The following HNF1B variants were observed in gnomAD, a reference collection of about 807,000 sequenced individuals.
The protein encoded by HNF1B is HNF1 homeobox B, also known as hepatocyte nuclear factor 1-beta.
A neutral mutation model predicts 61.7 loss-of-function variants in HNF1B; 8 were observed. That is an observed-to-expected ratio of 0.13 (90% CI 0.08 to 0.23). The LOEUF (loss-of-function observed/expected upper bound fraction) is 0.23. Ranked by LOEUF, HNF1B falls within the 10% of genes least tolerant of loss-of-function variation. The pLI, the probability that HNF1B is intolerant of heterozygous loss-of-function variation, is 1.00. For missense variants in HNF1B, 562 were observed against 714.5 expected, an observed-to-expected ratio of 0.79 and a Z score of 2.43; for synonymous variants, 314 against 287.7, an observed-to-expected ratio of 1.09 and a Z score of -0.93.
chr17:37,695,327 G>A (rs1568634344), intron 8 of HNF1B, among the ~76,000 whole-genome samples: 1 of 152,258 alleles, frequency 6.6e-6, no homozygotes, highest in Non-Finnish European at 1.5e-5. Context: ...ATGCAAGAGT[G>A]AAGGAGGTTT....
At chr17:37,731,229 C>T in intron 4 of HNF1B, 1 of 400,480 alleles carries the variant, frequency 2.5e-6, no homozygotes, top group Non-Finnish European at 4.7e-6. Context: ...GTGAGGGTTG[C>T]CACGCCATCA....
At chr17:37,717,931 A>G (rs1215855171) in intron 4 of HNF1B, among the ~76,000 whole-genome samples, 1 of 152,216 alleles carries the variant, frequency 6.6e-6, no homozygotes, top group African/African-American at 2.4e-5. Flanking sequence ...AAGCTGATGC[A>G]AGATGAAAGC....
intron 4 of HNF1B, among the ~76,000 whole-genome samples, chr17:37,716,786 A>T (rs563206413): frequency 6.6e-6 from 1 of 151,826 alleles, no homozygotes; most frequent in Middle Eastern, 3.2e-3. Context: ...TCAAAAAATC[A>T]TGGAATTCCA....
At position 37,744,665 on chromosome 17, in the gene HNF1B, A is replaced by G. The variant is rs1314646596; in HGVS notation, c.220T>C (p.Leu74=). 3 of 1,613,196 alleles carry G rather than the reference A, an allele frequency of 1.9e-6. No individual in the cohort carries two copies. In the African/African-American group the frequency reaches 4.0e-5, roughly 22 times the overall value. The change falls in exon 1 of 9, where the codon TTG becomes CTG. Residue 74 remains leucine (L), a synonymous_variant. Transcript: ENST00000617811. ...TLTNGHAKGR[L]SGDEGSEDGD... is the part of the protein sequence containing the mutation. Reference sequence around the variant, plus strand: ...TCCTCGGAGCCCTCGTCGCCGGACAAGCGGCCCTTGGCGTGGCCGTTGGTG... The same window carrying G: ...TCCTCGGAGCCCTCGTCGCCGGACAGGCGGCCCTTGGCGTGGCCGTTGGTG...
intron 6 of HNF1B, among the ~76,000 whole-genome samples, chr17:37,704,216 T>C (rs959205164): frequency 8.5e-5 from 13 of 152,184 alleles, no homozygotes; most frequent in African/African-American, 3.1e-4. Flanking sequence ...AGATGGCCCA[T>C]GTATGGGAGG....
At chr17:37,703,251 C>T (rs2032630322) in intron 6 of HNF1B, among the ~76,000 whole-genome samples, 2 of 152,228 alleles carry the variant, frequency 1.3e-5, no homozygotes, top group Admixed American at 1.3e-4. Flanking sequence ...GATATGTACA[C>T]ACACAGCCAT....
At chr17:37,699,236 G>A (rs890722424) in intron 7 of HNF1B, 42 bp from the exon 8 acceptor site, 3 of 1,484,070 alleles carry the variant, frequency 2.0e-6, no homozygotes, top group African/African-American at 2.8e-5. Flanking sequence ...TGCATACACA[G>A]GCAAAGACAC....
At chr17:37,700,752 A>G (rs969923344) in intron 7 of HNF1B, among the ~76,000 whole-genome samples, 1 of 152,192 alleles carries the variant, frequency 6.6e-6, no homozygotes, top group Non-Finnish European at 1.5e-5. Context: ...GTAGGCCTAC[A>G]CTGTCCTCTT....
intron 4 of HNF1B, among the ~76,000 whole-genome samples, chr17:37,717,352 G>A (rs2033158694): frequency 6.6e-6 from 1 of 152,162 alleles, no homozygotes; most frequent in Admixed American, 6.5e-5. Context: ...TCAACTGGCT[G>A]GGGCTCTGTC....
chr17:37,737,235 C>T (rs2033858664), intron 2 of HNF1B, among the ~76,000 whole-genome samples: 1 of 152,202 alleles, frequency 6.6e-6, no homozygotes, highest in Admixed American at 6.5e-5. Context: ...GTCTTACATT[C>T]ATCCTTCAAG....
rs144552036 is a variant in HNF1B, at chr17:37,743,940, T to C, written c.344+601A>G. On this transcript the variant is annotated intron_variant, in intron 1 of 8. Coordinates refer to ENST00000617811, the MANE Select transcript of HNF1B (RefSeq NM_000458.4). ...CTGCATGGAACATGCCCTTTGCAAA[T>C]CTAAACCCGCGTTGGGGATCCCGGA... Among the ~76,000 whole-genome samples the C allele has an allele frequency of 2.7e-3, 406 of 152,270 alleles. 2 individuals carry two copies. The highest frequency in any genetic ancestry group is 8.5e-3 in the African/African-American group (355 of 41,556).
intron 4 of HNF1B, among the ~76,000 whole-genome samples, chr17:37,723,072 G>A (rs1048263219): frequency 1.6e-4 from 25 of 152,062 alleles, no homozygotes; most frequent in Admixed American, 1.6e-3. Context: ...GGGCGCGGTG[G>A]CTCACGGCTG....
chr17:37,727,071 C>T (rs2033523606), intron 4 of HNF1B, among the ~76,000 whole-genome samples: 1 of 152,162 alleles, frequency 6.6e-6, no homozygotes, highest in Admixed American at 6.5e-5. Context: ...CAGCTTGGGC[C>T]AAGGCTAGCC....
At chr17:37,716,841 A>AATCTCTCTCT (rs1798251997) in intron 4 of HNF1B, among the ~76,000 whole-genome samples, 1 of 76,834 alleles carries the variant, frequency 1.3e-5, no homozygotes, top group Admixed American at 1.4e-4. Context: ...ACACTTTAAC[A>AATCTCTCTCT]ATCTCTCTCT....
chr17:37,729,434 C>CAAAAAAAAA (rs5820234), intron 4 of HNF1B: 1 of 68,598 alleles, frequency 1.5e-5, no homozygotes, highest in Non-Finnish European at 3.1e-5. Context: ...CCCTGTCTCT[C>CAAAAAAAAA]AAAAAAAAAA....
intron 6 of HNF1B, 126 bp downstream of exon 6, chr17:37,704,791 G>A (rs980239130): frequency 9.0e-7 from 1 of 1,105,558 alleles, no homozygotes; most frequent in African/African-American, 1.5e-5. Flanking sequence ...AACTAAAGAA[G>A]TTAAACCAAA....
intron 4 of HNF1B, among the ~76,000 whole-genome samples, chr17:37,714,558 A>G (rs1477420381): frequency 6.6e-6 from 1 of 152,246 alleles, no homozygotes; most frequent in Non-Finnish European, 1.5e-5. Flanking sequence ...TGTTGGCTCT[A>G]TGAACCACAG....
intron 6 of HNF1B, among the ~76,000 whole-genome samples, chr17:37,703,992 C>A (rs1440146995): frequency 2.6e-5 from 4 of 152,118 alleles, no homozygotes; most frequent in Non-Finnish European, 5.9e-5. Flanking sequence ...GACAATGGAG[C>A]AATACAAGGT....
chr17:37,722,971 C>G (rs34402973), intron 4 of HNF1B, among the ~76,000 whole-genome samples: 8,908 of 152,172 alleles, frequency 0.059, 337 homozygotes, highest in South Asian at 0.12. Flanking sequence ...CCACACCCCT[C>G]TACCTGGCAG....
Sources: allele counts gnomAD v4.1 joint callset (sites outside exome capture counted in the v4.1 genomes callset), GRCh38; gene constraint gnomAD v4.1.1; transcripts MANE v1.5; gene names NCBI Gene and HGNC (gene_info 2026-07-23, HGNC 2026-07-21).